RP1: variants seen among roughly 807,000 people sequenced by gnomAD.
RP1 encodes oxygen-regulated protein 1.
RP1 carries 16 observed loss-of-function variants against 14.8 expected under a neutral mutation model. The ratio of observed to expected loss-of-function variants is 1.08; its 90% confidence interval spans 0.73 to 1.65. RP1 has a LOEUF of 1.65. Ranked by LOEUF, RP1 falls within the 40% of genes most tolerant of loss-of-function variation. RP1 has a pLI of 0.00. For synonymous variants in RP1, 876 were observed against 883.6 expected (o/e 0.99, Z 0.15); for missense variants, 2,631 against 2,535.0 (o/e 1.04, Z -0.81).
At chr8:54,808,848 A>T (rs1454300080) in intron 24 of RP1, among the ~76,000 whole-genome samples, 1 of 152,170 alleles carries the variant, frequency 6.6e-6, no homozygotes, top group Non-Finnish European at 1.5e-5. Context: ...GTAGCCCTTG[A>T]TGGCCACACC....
At chr8:54,586,170 G>A (rs1308828187) in intron 1 of RP1, among the ~76,000 whole-genome samples, 1 of 152,172 alleles carries the variant, frequency 6.6e-6, no homozygotes, top group East Asian at 1.9e-4. Flanking sequence ...AACAGATGGG[G>A]TTTTGGTGTG....
chr8:54,803,029 G>A (rs766755944), intron 24 of RP1, among the ~76,000 whole-genome samples: 3 of 151,508 alleles, frequency 2.0e-5, no homozygotes, highest in Non-Finnish European at 2.9e-5. Context: ...ATGCATCTTT[G>A]TGCTTCCCAT....
chr8:54,713,127 C>T (rs1050107263), intron 15 of RP1, among the ~76,000 whole-genome samples: 4 of 151,806 alleles, frequency 2.6e-5, no homozygotes, highest in African/African-American at 9.7e-5. Context: ...TTAATGGTTC[C>T]AACATGTCTG....
At chr8:54,804,345 C>T (rs1498183) in intron 24 of RP1, among the ~76,000 whole-genome samples, 51,480 of 152,026 alleles carry the variant, frequency 0.34, 9,263 homozygotes, top group East Asian at 0.48. Flanking sequence ...CAGCCAGACA[C>T]TATTCCAAAT....
chr8:54,664,859 A>G (rs972507257), intron 7 of RP1, among the ~76,000 whole-genome samples: 15 of 152,122 alleles, frequency 9.9e-5, no homozygotes, highest in African/African-American at 3.4e-4. Flanking sequence ...TGAGAGAAGG[A>G]GGCAAGGATT....
intron 1 of RP1, among the ~76,000 whole-genome samples, chr8:54,574,545 G>A (rs556697886): frequency 1.3e-5 from 2 of 152,258 alleles, no homozygotes; most frequent in South Asian, 4.2e-4. Context: ...CAAATATTGG[G>A]AGATGTAGCC....
In RP1 at chr8:54,629,213, T is replaced by C; in HGVS notation, c.5331T>C (p.Asp1777=). Residue 1777 remains aspartate (D), a synonymous_variant, in exon 4 of 4, where the codon GAT becomes GAC. Transcript: ENST00000220676. ...ADTTSVDTLL[D]NNSSEVPYSH... is the part of the protein sequence containing the mutation. The stretch of plus-strand genomic sequence containing the variant: ...CCACATCAGTGGACACCCTACTTGA[T>C]AATAACAGCAGTGAGGTACCATATT... The C allele has an allele frequency of 1.2e-6, 2 of 1,614,096 alleles. No homozygotes were observed. Among genetic ancestry groups the C allele is most frequent in the Non-Finnish European group, 1.7e-6 (2 of 1,179,960 alleles).
chr8:54,780,155 G>C (rs1272602847), intron 23 of RP1, among the ~76,000 whole-genome samples: 2 of 152,232 alleles, frequency 1.3e-5, no homozygotes, highest in Non-Finnish European at 2.9e-5. Flanking sequence ...CAACTCTGTT[G>C]TTGTAGTGTG....
chr8:54,626,088 A>G lies in RP1; in HGVS notation c.2206A>G (p.Thr736Ala). Residue 736 changes from threonine to alanine, a missense_variant, in exon 4 of 4, where the codon ACT becomes GCT. Transcript: ENST00000220676. ...LCEEDLQKSD[T>A]VIESNTFCSK... ...TGAGGAAGACCTCCAGAAAAGTGATACTGTAATTGAATCAAATACTTTTTG... is the reference window on the plus strand; with the variant it reads ...TGAGGAAGACCTCCAGAAAAGTGATGCTGTAATTGAATCAAATACTTTTTG... The G allele has an allele frequency of 6.2e-7, 1 of 1,613,552 alleles. No homozygotes were observed. Among genetic ancestry groups the G allele is most frequent in the Non-Finnish European group, 8.5e-7 (1 of 1,179,638 alleles).
intron 1 of RP1, among the ~76,000 whole-genome samples, chr8:54,575,770 G>C (rs948997718): frequency 6.6e-6 from 1 of 151,992 alleles, no homozygotes; most frequent in East Asian, 1.9e-4. Flanking sequence ...TATTTTTTCT[G>C]TTCCTCTCCC....
At chr8:54,831,454 C>T (rs1473327056) in intron 24 of RP1, among the ~76,000 whole-genome samples, 2 of 113,764 alleles carry the variant, frequency 1.8e-5, no homozygotes, top group African/African-American at 3.3e-5. Context: ...TGGCTTATTA[C>T]CTGTGCCTGT....
chr8:54,748,566 A>C (rs1337178689), intron 19 of RP1, among the ~76,000 whole-genome samples: 7 of 152,238 alleles, frequency 4.6e-5, no homozygotes, highest in African/African-American at 1.7e-4. Flanking sequence ...GATGAGAAAT[A>C]AGGATATTTA....
intron 1 of RP1, among the ~76,000 whole-genome samples, chr8:54,559,749 G>A (rs1050079436): frequency 2.0e-5 from 3 of 152,156 alleles, no homozygotes; most frequent in African/African-American, 7.2e-5. Flanking sequence ...AGGAGAGTGG[G>A]TCACGTTCGG....
At chr8:54,624,354 A>G (rs1191174242) in intron 3 of RP1, among the ~76,000 whole-genome samples, 1 of 144,086 alleles carries the variant, frequency 6.9e-6, no homozygotes, top group African/African-American at 2.5e-5. Flanking sequence ...CTGAAGCAGG[A>G]GAATTGCTTG....
intron 21 of RP1, chr8:54,755,796 G>T: frequency 7.0e-7 from 1 of 1,424,872 alleles, no homozygotes; most frequent in South Asian, 1.5e-5. Context: ...TAATTTCCCA[G>T]ATTCTTAACA....
At chr8:54,720,936 C>A (rs992953376) in intron 16 of RP1, among the ~76,000 whole-genome samples, 2 of 152,102 alleles carry the variant, frequency 1.3e-5, no homozygotes, top group African/African-American at 4.8e-5. Flanking sequence ...TTTCAATTAC[C>A]TTGAAGTTTA....
rs1806129380 is a variant in RP1, at chr8:54,628,113, G to T, written c.4231G>T (p.Asp1411Tyr). ...LCLSEKEAEL[D>Y]KKHSSLDDFE... ...CCTAAGTGAAAAAGAAGCAGAACTT[G>T]ATAAGAAACATAGTTCTCTAGATGA... The change falls in exon 4 of 4, where the codon GAT (aspartate) becomes TAT (tyrosine). Residue 1411 changes from aspartate to tyrosine, a missense_variant. Coordinates refer to ENST00000220676, the MANE Select transcript of RP1 (RefSeq NM_006269.2). 6 of 1,613,918 alleles carry T rather than the reference G, an allele frequency of 3.7e-6. No homozygotes were observed. In the Admixed American group the frequency reaches 8.3e-5, roughly 22 times the overall value.
intron 24 of RP1, among the ~76,000 whole-genome samples, chr8:54,809,837 C>T (rs975390353): frequency 6.6e-6 from 1 of 152,180 alleles, no homozygotes; most frequent in African/African-American, 2.4e-5. Context: ...AGTGTGATAG[C>T]GAAAGCATTT....
intron 4 of RP1, among the ~76,000 whole-genome samples, chr8:54,651,989 C>T (rs761919464): frequency 2.7e-5 from 4 of 147,578 alleles, no homozygotes; most frequent in Admixed American, 7.0e-5. Flanking sequence ...TTGTTGCTTA[C>T]GAGTATGTTC....
Sources: gnomAD v4.1 joint callset for allele counts (sites outside exome capture counted in the v4.1 genomes callset) on GRCh38, gnomAD v4.1.1 for gene constraint, MANE v1.5 for transcripts, NCBI Gene and HGNC (gene_info 2026-07-23, HGNC 2026-07-21) for gene names.